The following TDRD9 variants were observed in gnomAD, a reference collection of about 807,000 sequenced individuals.
The protein encoded by TDRD9 is ATP-dependent RNA helicase TDRD9.
TDRD9 carries 124 observed loss-of-function variants against 172.6 expected under a neutral mutation model. The ratio of observed to expected loss-of-function variants is 0.72; its 90% CI spans 0.62 to 0.83. The LOEUF (loss-of-function observed/expected upper bound fraction) is 0.83, where lower values mean the gene tolerates loss of function less well. Ranked by LOEUF, TDRD9 falls within the 40% of genes least tolerant of loss-of-function variation. The pLI, the probability that TDRD9 is intolerant of heterozygous loss-of-function variation, is 0.00. For missense variants in TDRD9, 1,479 were observed against 1,714.1 expected (o/e 0.86, Z 2.42); for synonymous variants, 619 against 617.1 (o/e 1.00, Z -0.05).
intron 12 of TDRD9, 109 bp from the exon 13 acceptor site, chr14:103,998,515 A>G (rs963168574): frequency 1.4e-6 from 1 of 707,030 alleles, no homozygotes; most frequent in Non-Finnish European, 2.5e-6. Flanking sequence ...CCTGTTCACT[A>G]ATTCTTAAGG....
intron 1 of TDRD9, among the ~76,000 whole-genome samples, chr14:103,930,126 T>C (rs1173595499): frequency 1.3e-5 from 2 of 152,192 alleles, no homozygotes; most frequent in Non-Finnish European, 2.9e-5. Context: ...TCCGTCACTC[T>C]TGCTCAGTCC....
intron 7 of TDRD9, among the ~76,000 whole-genome samples, chr14:103,982,656 A>G (rs1361573839): frequency 1.3e-5 from 2 of 152,214 alleles, no homozygotes; most frequent in Non-Finnish European, 2.9e-5. Flanking sequence ...CTGTAATCCC[A>G]GCACTTTGGG....
intron 30 of TDRD9, among the ~76,000 whole-genome samples, chr14:104,032,931 A>AC (rs2035330519): frequency 6.6e-6 from 1 of 152,220 alleles, no homozygotes. Context: ...CAGAGGCGTC[A>AC]GCCAAGGTGC....
At chr14:103,946,688 G>A (rs1408354892) in intron 1 of TDRD9, among the ~76,000 whole-genome samples, 4 of 152,148 alleles carry the variant, frequency 2.6e-5, no homozygotes, top group Admixed American at 2.6e-4. Flanking sequence ...ACTAATAATT[G>A]AATTCAGCAA....
chr14:104,048,256 A>T (rs1246708784), intron 34 of TDRD9, among the ~76,000 whole-genome samples: 1 of 152,140 alleles, frequency 6.6e-6, no homozygotes, highest in Non-Finnish European at 1.5e-5. Flanking sequence ...TAATTTTTAT[A>T]GAAACAAGGT....
chr14:103,967,421 A>AGGCTGAG (rs1302094396), intron 5 of TDRD9, among the ~76,000 whole-genome samples: 1 of 149,396 alleles, frequency 6.7e-6, no homozygotes, highest in Non-Finnish European at 1.5e-5. Context: ...GCTACTTGAG[A>AGGCTGAG]GGCTGAGGTG....
At chr14:103,985,967 C>A (rs2033644108) in intron 7 of TDRD9, among the ~76,000 whole-genome samples, 1 of 152,176 alleles carries the variant, frequency 6.6e-6, no homozygotes, top group South Asian at 2.1e-4. Context: ...TGTCTGGGCT[C>A]TCTGAGCCAT....
chr14:104,026,568 T>C, intron 27 of TDRD9, 111 bp from the exon 28 acceptor site: 3 of 1,299,464 alleles, frequency 2.3e-6, no homozygotes, highest in Non-Finnish European at 3.2e-6. Flanking sequence ...TTGGGACTTT[T>C]ATGAGAATAT....
At chr14:104,031,596 C>T (rs531246674) in intron 29 of TDRD9, among the ~76,000 whole-genome samples, 61 of 151,452 alleles carry the variant, frequency 4.0e-4, no homozygotes, top group African/African-American at 1.4e-3. Context: ...CTGTTAGAGC[C>T]GGTGCTGCCC....
Position 104,006,846 on chromosome 14 carries a change from G to A in TDRD9, c.2007+1G>A. The stretch of plus-strand genomic sequence containing the variant: ...TATTGCACTTGTTGAGGCATTTAAA[G>A]TAAGTTTTCTGTTGTGTAAACCATG... On this transcript the variant is annotated splice_donor_variant, in intron 18 of 35. Coordinates refer to ENST00000409874, the MANE Select transcript of TDRD9 (RefSeq NM_153046.3). LOFTEE classifies it high-confidence loss of function. 1 of 1,611,036 alleles carries A rather than the reference G, an allele frequency of 6.2e-7. No individual in the cohort carries two copies.
chr14:104,036,807 T>C (rs1291945304), intron 32 of TDRD9, among the ~76,000 whole-genome samples: 3 of 152,202 alleles, frequency 2.0e-5, no homozygotes, highest in Non-Finnish European at 4.4e-5. Flanking sequence ...TTAACTGAAA[T>C]GTGCCAGATT....
At chr14:104,002,592 CCGG>C (rs2034297905) in intron 13 of TDRD9, among the ~76,000 whole-genome samples, 1 of 152,114 alleles carries the variant, frequency 6.6e-6, no homozygotes, top group Non-Finnish European at 1.5e-5. Context: ...TGGCTGAAAC[CCGG>C]TGATTGGCAT....
chr14:103,985,798 A>T (rs1230423449), intron 7 of TDRD9, among the ~76,000 whole-genome samples: 1 of 152,170 alleles, frequency 6.6e-6, no homozygotes, highest in African/African-American at 2.4e-5. Context: ...TCACACGTGA[A>T]ATCTTAGGGA....
Position 104,031,263 on chromosome 14 carries a change from G to A in TDRD9, c.3438G>A (p.Lys1146=). ...ATAAACTGGGTACTCCAAACTGTAA[G>A]GTGATTGTAGGAGTTTTAAAATGTA... is the stretch of plus-strand genomic sequence containing the variant. ...STNKLGTPNC[K]AELHGPFNPY... is the part of the protein sequence containing the mutation. The change falls in exon 29 of 36, where the codon AAG becomes AAA. Residue 1146 remains lysine (K), a splice_region_variant and synonymous_variant. Coordinates refer to ENST00000409874, the MANE Select transcript of TDRD9 (RefSeq NM_153046.3). 6.5e-7 allele frequency: 1 copy of A among 1,547,608 alleles called. No individual in the cohort carries two copies. Among genetic ancestry groups the A allele is most frequent in the Non-Finnish European group, 8.7e-7 (1 of 1,145,490 alleles).
At chr14:104,038,013 G>A (rs1230881781) in intron 32 of TDRD9, among the ~76,000 whole-genome samples, 1 of 152,166 alleles carries the variant, frequency 6.6e-6, no homozygotes, top group Non-Finnish European at 1.5e-5. Flanking sequence ...GATGGGAGCA[G>A]ACATCTGAGA....
At chr14:104,009,872 TCTC>T (rs1005225454) in intron 20 of TDRD9, among the ~76,000 whole-genome samples, 4 of 152,012 alleles carry the variant, frequency 2.6e-5, no homozygotes, top group Non-Finnish European at 5.9e-5. Flanking sequence ...CTCAAGCAAT[TCTC>T]CTGCCTCAGC....
Position 104,024,210 on chromosome 14 carries a change from G to A in TDRD9, c.2607-359G>A, listed in dbSNP as rs532527613. 3.8e-4 allele frequency among the ~76,000 whole-genome samples: 58 copies of A among 152,194 alleles called. 1 individual carries two copies. The highest frequency in any genetic ancestry group is 1.3e-3 in the African/African-American group (56 of 41,516). On this transcript the variant is annotated intron_variant, in intron 24 of 35. Coordinates refer to ENST00000409874, the MANE Select transcript of TDRD9 (RefSeq NM_153046.3). Reference sequence around the variant, plus strand: ...GGTGCACATTTGAAAACACAAGTTAGGAAACACTGCAGATAATTCTAAATC... The same window carrying A: ...GGTGCACATTTGAAAACACAAGTTAAGAAACACTGCAGATAATTCTAAATC...
chr14:103,968,647 T>A (rs1268553645), intron 5 of TDRD9, among the ~76,000 whole-genome samples: 1 of 149,082 alleles, frequency 6.7e-6, no homozygotes, highest in Non-Finnish European at 1.5e-5. Context: ...ATACAAAAAA[T>A]TAGCCGGGCG....
intron 35 of TDRD9, chr14:104,049,911 T>A: frequency 2.0e-6 from 1 of 496,496 alleles, no homozygotes; most frequent in Non-Finnish European, 3.6e-6. Context: ...CCAGGATAAC[T>A]CACTGCCTGT....
Sources: allele counts gnomAD v4.1 joint callset (sites outside exome capture counted in the v4.1 genomes callset), GRCh38; gene constraint gnomAD v4.1.1; transcripts MANE v1.5; gene names NCBI Gene and HGNC (gene_info 2026-07-23, HGNC 2026-07-21).